RBPMS: variants seen among roughly 807,000 people sequenced by gnomAD.
The protein encoded by RBPMS is RNA binding protein, mRNA processing factor, also known as RNA-binding protein with multiple splicing.
In RBPMS, 7 loss-of-function variants were observed where a neutral mutation model predicts 26.8. The ratio of observed to expected loss-of-function variants is 0.26; its 90% CI spans 0.15 to 0.49. The LOEUF (loss-of-function observed/expected upper bound fraction) is 0.49, where lower values mean the gene tolerates loss of function less well. Ranked by LOEUF, RBPMS falls within the 20% of genes least tolerant of loss-of-function variation. The pLI, the probability that RBPMS is intolerant of heterozygous loss-of-function variation, is 0.98. For synonymous variants in RBPMS, 96 were observed against 93.3 expected (o/e 1.03, Z -0.17); for missense variants, 186 against 250.0 (o/e 0.74, Z 1.73).
At chr8:30,511,777 T>C (rs1821743710) in intron 5 of RBPMS, among the ~76,000 whole-genome samples, 1 of 151,560 alleles carries the variant, frequency 6.6e-6, no homozygotes, top group African/African-American at 2.4e-5. Context: ...TGAGCTGAGA[T>C]CGCACCATTC....
intron 5 of RBPMS, among the ~76,000 whole-genome samples, chr8:30,532,176 A>G (rs1332690277): frequency 6.6e-6 from 1 of 152,168 alleles, no homozygotes; most frequent in East Asian, 1.9e-4. Context: ...GCTGAACAAT[A>G]TGTCTGAGGC....
chr8:30,536,759 TCTCCTTTGTGGAC>T (rs1824850572), intron 5 of RBPMS, among the ~76,000 whole-genome samples: 1 of 152,226 alleles, frequency 6.6e-6, no homozygotes, highest in South Asian at 2.1e-4. Context: ...TTCTACTCTT[TCTCCTTTGTGGAC>T]CTCCTTTGTG....
intron 4 of RBPMS, among the ~76,000 whole-genome samples, chr8:30,479,738 A>C (rs1206103455): frequency 6.6e-6 from 1 of 152,090 alleles, no homozygotes; most frequent in Non-Finnish European, 1.5e-5. Context: ...TATACTCTAA[A>C]TGACTATGCT....
chr8:30,547,551 G>A (rs886656722), intron 6 of RBPMS: 21 of 1,391,614 alleles, frequency 1.5e-5, no homozygotes, highest in Non-Finnish European at 2.0e-5. Context: ...TGTTTTCATG[G>A]TGATGCAATT....
chr8:30,528,130 G>A (rs1328973820), intron 5 of RBPMS, among the ~76,000 whole-genome samples: 5 of 151,802 alleles, frequency 3.3e-5, no homozygotes, highest in Admixed American at 2.0e-4. Context: ...AGCCGAGATC[G>A]CGCCATTGCG....
chr8:30,543,462 A>C (rs1036530387), intron 5 of RBPMS, among the ~76,000 whole-genome samples: 1 of 152,162 alleles, frequency 6.6e-6, no homozygotes, highest in Non-Finnish European at 1.5e-5. Context: ...GAAAGTACTG[A>C]ATGGCAGAGT....
chr8:30,560,275 C>T (rs917727963), intron 7 of RBPMS, among the ~76,000 whole-genome samples: 3 of 152,126 alleles, frequency 2.0e-5, no homozygotes, highest in Non-Finnish European at 4.4e-5. Context: ...GTTCTCATCA[C>T]GCAGGAGGCC....
chr8:30,538,149 C>T (rs1824990463), intron 5 of RBPMS, among the ~76,000 whole-genome samples: 1 of 152,194 alleles, frequency 6.6e-6, no homozygotes, highest in Non-Finnish European at 1.5e-5. Flanking sequence ...CTTGATTTCT[C>T]CTCATGACTG....
intron 1 of RBPMS, among the ~76,000 whole-genome samples, chr8:30,454,163 G>A (rs1376862893): frequency 5.3e-5 from 8 of 152,138 alleles, no homozygotes; most frequent in African/African-American, 1.2e-4. Context: ...GGCAGCTCAG[G>A]ATTGCTAGTT....
At chr8:30,437,254 G>T (rs898639903) in intron 1 of RBPMS, among the ~76,000 whole-genome samples, 1 of 151,994 alleles carries the variant, frequency 6.6e-6, no homozygotes, top group Admixed American at 6.6e-5. Flanking sequence ...GATTTGTTGG[G>T]ATTATAAGTC....
At chr8:30,482,065 A>T (rs1209586743) in intron 4 of RBPMS, among the ~76,000 whole-genome samples, 1 of 152,222 alleles carries the variant, frequency 6.6e-6, no homozygotes, top group Non-Finnish European at 1.5e-5. Context: ...TGTCCAGGAC[A>T]AATTGCCACC....
intron 5 of RBPMS, among the ~76,000 whole-genome samples, chr8:30,513,283 C>T (rs1449668773): frequency 1.3e-5 from 2 of 152,022 alleles, no homozygotes. Context: ...CATTGAACAG[C>T]TGTAAACAAA....
intron 5 of RBPMS, among the ~76,000 whole-genome samples, chr8:30,537,038 A>G (rs965976925): frequency 6.6e-6 from 1 of 152,192 alleles, no homozygotes; most frequent in African/African-American, 2.4e-5. Context: ...AACTCTGGGT[A>G]ACCCTCATCC....
At chr8:30,430,246 A>ATG (rs1811785071) in intron 1 of RBPMS, among the ~76,000 whole-genome samples, 1 of 129,894 alleles carries the variant, frequency 7.7e-6, no homozygotes, top group South Asian at 2.4e-4. Context: ...ATGGATGGAT[A>ATG]GATAAATAAA....
chr8:30,492,184 G>T (rs996258055), intron 4 of RBPMS, among the ~76,000 whole-genome samples: 24 of 152,146 alleles, frequency 1.6e-4, no homozygotes, highest in African/African-American at 5.6e-4. Flanking sequence ...GAGCCACTGC[G>T]CCCAGCCGAC....
chr8:30,499,135 G>C (rs1173105235), intron 4 of RBPMS, among the ~76,000 whole-genome samples: 3 of 152,094 alleles, frequency 2.0e-5, no homozygotes, highest in Admixed American at 2.0e-4. Flanking sequence ...TATAAAAGGA[G>C]CAATGAAGGC....
chr8:30,534,128 CAAA>C (rs71937602), intron 5 of RBPMS, among the ~76,000 whole-genome samples: 2 of 144,698 alleles, frequency 1.4e-5, no homozygotes, highest in African/African-American at 5.2e-5. Context: ...ACGAGACTCT[CAAA>C]AAAAAAAAAA....
intron 1 of RBPMS, among the ~76,000 whole-genome samples, chr8:30,422,207 C>T (rs1810878535): frequency 6.6e-6 from 1 of 151,608 alleles, no homozygotes; most frequent in Non-Finnish European, 1.5e-5. Flanking sequence ...CTTCCACCTC[C>T]TGGGTTCAAG....
At chr8:30,549,022 G>C (rs138685186) in intron 6 of RBPMS, among the ~76,000 whole-genome samples, 9 of 152,204 alleles carry the variant, frequency 5.9e-5, no homozygotes, top group Admixed American at 5.9e-4. Flanking sequence ...GCCCAGCAGC[G>C]AGACAGCTGT....
Sources: allele counts gnomAD v4.1 joint callset (sites outside exome capture counted in the v4.1 genomes callset), GRCh38; gene constraint gnomAD v4.1.1; transcripts MANE v1.5; gene names NCBI Gene and HGNC (gene_info 2026-07-23, HGNC 2026-07-21).